Variants in KCNN2 observed in about 807,000 individuals in gnomAD.
The protein encoded by KCNN2 is potassium calcium-activated channel subfamily N member 2, also known as small conductance calcium-activated potassium channel protein 2.
A neutral mutation model predicts 55.5 loss-of-function variants in KCNN2; 24 were observed. The ratio of observed to expected loss-of-function variants is 0.43; its 90% CI spans 0.31 to 0.61. The LOEUF is 0.61. Ranked by LOEUF, KCNN2 falls within the 20% of genes least tolerant of loss-of-function variation. KCNN2 has a pLI of 0.08. For synonymous variants in KCNN2, 431 were observed against 336.1 expected, an observed-to-expected ratio of 1.28 and a Z score of -3.09; for missense variants, 754 against 853.6, an observed-to-expected ratio of 0.88 and a Z score of 1.45.
At chr5:114,434,062 T>G (rs193107265) in intron 3 of KCNN2, 1 of 152,336 alleles carries the variant, frequency 6.6e-6, no homozygotes, top group East Asian at 1.9e-4. Flanking sequence ...TTCATTGCCC[T>G]TGTTCTGTTT....
chr5:114,212,240 C>T (rs1182398531), intron 1 of KCNN2, among the ~76,000 whole-genome samples: 1 of 151,940 alleles, frequency 6.6e-6, no homozygotes, highest in African/African-American at 2.4e-5. Context: ...TTGATACATA[C>T]AGTAGTACTG....
intron 2 of KCNN2, among the ~76,000 whole-genome samples, chr5:114,351,196 C>G (rs1176002823): frequency 1.3e-5 from 2 of 151,534 alleles, no homozygotes; most frequent in Non-Finnish European, 3.0e-5. Flanking sequence ...TTATTGTATT[C>G]TTTTTGATGA....
At chr5:114,169,859 C>T (rs892650154) in intron 1 of KCNN2, among the ~76,000 whole-genome samples, 7 of 152,006 alleles carry the variant, frequency 4.6e-5, no homozygotes, top group African/African-American at 1.7e-4. Context: ...GAGATAAGGA[C>T]TGATGAAAAT....
At chr5:114,388,016 A>G (rs1375915795) in intron 2 of KCNN2, among the ~76,000 whole-genome samples, 1 of 152,148 alleles carries the variant, frequency 6.6e-6, no homozygotes, top group East Asian at 1.9e-4. Context: ...CCATGCTCTT[A>G]TGTGTTCACT....
At chr5:114,136,983 T>C (rs1752186476) in intron 1 of KCNN2, among the ~76,000 whole-genome samples, 1 of 152,226 alleles carries the variant, frequency 6.6e-6, no homozygotes, top group Non-Finnish European at 1.5e-5. Context: ...GAGCCTGAGC[T>C]CTGTGCCCAC....
intron 3 of KCNN2, 73 bp downstream of exon 3, chr5:114,404,929 A>C: frequency 2.2e-6 from 3 of 1,352,320 alleles, no homozygotes; most frequent in Non-Finnish European, 3.0e-6. Flanking sequence ...AAAAAATTTT[A>C]GACTTGAGAC....
At chr5:114,480,071 A>G (rs1015710552) in intron 5 of KCNN2, among the ~76,000 whole-genome samples, 1 of 152,078 alleles carries the variant, frequency 6.6e-6, no homozygotes, top group Non-Finnish European at 1.5e-5. Flanking sequence ...AAAATCAACA[A>G]ATCCAGGAGC....
Position 114,260,576 on chromosome 5 carries a change from CT to C in KCNN2, c.-185+39012del, listed in dbSNP as rs142026216. On this transcript the variant is annotated intron_variant, in intron 2 of 10. Coordinates refer to the KCNN2 transcript ENST00000512097. ...AATGATCTCGAATATCTTGTCCCTGCTGTATCCCTGTACCTAGCACAGTGCA... is the reference window on the plus strand; with the variant it reads ...AATGATCTCGAATATCTTGTCCCTGCGTATCCCTGTACCTAGCACAGTGCA... Among the ~76,000 whole-genome samples the C allele has an allele frequency of 4.6e-3, 707 of 152,274 alleles. 5 individuals carry two copies. The highest frequency in any genetic ancestry group is 0.016 in the African/African-American group (683 of 41,564).
intron 1 of KCNN2, among the ~76,000 whole-genome samples, chr5:114,060,593 C>T (rs1466827269): frequency 1.3e-5 from 2 of 152,208 alleles, no homozygotes; most frequent in African/African-American, 4.8e-5. Flanking sequence ...CTGAGTATGG[C>T]ATTGCTTAAC....
chr5:114,296,580 A>G (rs1007075723), intron 2 of KCNN2, among the ~76,000 whole-genome samples: 8 of 152,204 alleles, frequency 5.3e-5, no homozygotes, highest in South Asian at 2.1e-4. Context: ...AATATTTACA[A>G]GAAATTGGGC....
At chr5:114,316,737 C>T (rs1756509502) in intron 2 of KCNN2, among the ~76,000 whole-genome samples, 1 of 152,172 alleles carries the variant, frequency 6.6e-6, no homozygotes, top group Non-Finnish European at 1.5e-5. Context: ...ATACATATCG[C>T]TATCTAGTCC....
At chr5:114,212,497 T>A (rs1177669134) in intron 1 of KCNN2, among the ~76,000 whole-genome samples, 1 of 152,166 alleles carries the variant, frequency 6.6e-6, no homozygotes, top group Non-Finnish European at 1.5e-5. Context: ...AAAAACTAAT[T>A]AATTGTGTAA....
intron 5 of KCNN2, among the ~76,000 whole-genome samples, chr5:114,475,682 TG>T (rs749900366): frequency 1.3e-5 from 2 of 152,106 alleles, no homozygotes; most frequent in Non-Finnish European, 2.9e-5. Context: ...AAATCTCAGA[TG>T]CTTCCTGCTT....
intron 1 of KCNN2, among the ~76,000 whole-genome samples, chr5:114,157,553 G>A (rs370580677): frequency 2.0e-5 from 3 of 151,924 alleles, no homozygotes; most frequent in Non-Finnish European, 4.4e-5. Flanking sequence ...ATGGTATTTC[G>A]AGTTCTAGAT....
At chr5:114,119,682 A>G (rs992566421) in intron 1 of KCNN2, among the ~76,000 whole-genome samples, 16 of 152,252 alleles carry the variant, frequency 1.1e-4, no homozygotes, top group Admixed American at 1.0e-3. Context: ...TTTAAGATCC[A>G]CGTGTTCTAA....
At chr5:114,100,000 C>T (rs1057475442) in intron 1 of KCNN2, among the ~76,000 whole-genome samples, 2 of 151,898 alleles carry the variant, frequency 1.3e-5, no homozygotes, top group African/African-American at 4.8e-5. Context: ...TACAATCTAT[C>T]ATGTTATAAT....
rs894707338 is a variant in KCNN2, at chr5:114,253,256, G to C, written c.-185+31691G>C. Among the ~76,000 whole-genome samples, 3 of 150,316 alleles carry C rather than the reference G, an allele frequency of 2.0e-5. No homozygotes were observed. In the East Asian group the frequency reaches 5.9e-4, roughly 30 times the overall value. ...TCAACCCCTAAATAAAACAGAACTA[G>C]AATTAATAATCTGAAGGGAGAGGAG... On this transcript the variant is annotated intron_variant, in intron 2 of 10. Transcript: ENST00000512097.
intron 1 of KCNN2, among the ~76,000 whole-genome samples, chr5:114,144,058 G>T (rs961352680): frequency 6.6e-6 from 1 of 152,152 alleles, no homozygotes; most frequent in African/African-American, 2.4e-5. Flanking sequence ...TCAGCACCAG[G>T]TAAAGCAGTT....
chr5:114,295,096 G>A (rs1308762357), intron 2 of KCNN2, among the ~76,000 whole-genome samples: 1 of 152,172 alleles, frequency 6.6e-6, no homozygotes, highest in Admixed American at 6.5e-5. Context: ...GGCCGTGTGA[G>A]GTGTCAGTGT....
Sources: allele counts gnomAD v4.1 joint callset (sites outside exome capture counted in the v4.1 genomes callset), GRCh38; gene constraint gnomAD v4.1.1; transcripts MANE v1.5; gene names NCBI Gene and HGNC (gene_info 2026-07-23, HGNC 2026-07-21).